METRNL: variants seen among roughly 807,000 people sequenced by gnomAD.
The protein encoded by METRNL is meteorin-like protein.
In METRNL, 9 loss-of-function variants were observed where a neutral mutation model predicts 17.4. The observed-to-expected ratio is 0.52, with a 90% CI of 0.31 to 0.90. The LOEUF is 0.90. Among genes scored for constraint, METRNL ranks in the 40% least tolerant of loss-of-function variants. METRNL has a pLI of 0.05. For missense variants in METRNL, 408 were observed against 430.7 expected, an observed-to-expected ratio of 0.95 and a Z score of 0.47; for synonymous variants, 215 against 199.3, an observed-to-expected ratio of 1.08 and a Z score of -0.66.
Position 83,085,196 on chromosome 17 carries a change from T to C in METRNL, c.429T>C (p.Cys143=). ...DGDGRPGRVQ[C]FGLEQGGLFV... ...ACGGCAGGCCCGGCCGGGTGCAGTG[T>C]TTTGGCCTGGAGCAGGGCGGCCTGT... Residue 143 remains cysteine, a synonymous_variant, in exon 2 of 4, where the codon TGT becomes TGC. Coordinates refer to ENST00000320095, the MANE Select transcript of METRNL (RefSeq NM_001004431.3). 1 of 1,610,234 alleles carries C rather than the reference T, an allele frequency of 6.2e-7. No individual in the cohort carries two copies. Among genetic ancestry groups the C allele is most frequent in the Non-Finnish European group, 8.5e-7 (1 of 1,178,100 alleles).
intron 1 of METRNL, chr17:83,080,237 C>T (rs960918505): frequency 6.5e-6 from 1 of 153,658 alleles, no homozygotes; most frequent in African/African-American, 2.4e-5. Flanking sequence ...CGGGTGGGTC[C>T]CGGCTCCGCG....
intron 1 of METRNL, among the ~76,000 whole-genome samples, chr17:83,081,628 T>C (rs2037989829): frequency 6.6e-6 from 1 of 152,020 alleles, no homozygotes; most frequent in African/African-American, 2.4e-5. Context: ...TCGCCATCGT[T>C]GCCAGTCCTG....
In METRNL at chr17:83,094,509, C is replaced by T. The variant is rs375543552; in HGVS notation, c.870C>T (p.Asp290=). Residue 290 remains aspartate (D), a synonymous_variant, in exon 4 of 4, where the codon GAC becomes GAT. Coordinates refer to ENST00000320095, the MANE Select transcript of METRNL (RefSeq NM_001004431.3). ...TCGGCTGTGCCCCACGCTTCAAGGA[C>T]TTCCAGAGGATGTACAGGGATGCCC... ...ARLGCAPRFK[D]FQRMYRDAQE... 258 of 1,557,152 alleles carry T rather than the reference C, an allele frequency of 1.7e-4. No homozygotes were observed. The South Asian group carries it at 2.1e-3, about 12-fold the overall frequency.
At chr17:83,082,955 A>G (rs1188172170) in intron 1 of METRNL, among the ~76,000 whole-genome samples, 1 of 152,156 alleles carries the variant, frequency 6.6e-6, no homozygotes, top group Non-Finnish European at 1.5e-5. Context: ...GTGAGAGGAG[A>G]GGGGAGCAGG....
intron 2 of METRNL, among the ~76,000 whole-genome samples, chr17:83,089,346 G>A (rs929552979): frequency 6.6e-6 from 1 of 152,136 alleles, no homozygotes; most frequent in Non-Finnish European, 1.5e-5. Flanking sequence ...CCCAGTAATC[G>A]TGGCCACAGA....
intron 2 of METRNL, among the ~76,000 whole-genome samples, chr17:83,089,670 G>T (rs2038094073): frequency 6.6e-6 from 1 of 152,134 alleles, no homozygotes; most frequent in African/African-American, 2.4e-5. Context: ...GAGACGAGGT[G>T]CAATGTGTCC....
Position 83,090,860 on chromosome 17 carries a change from G to A in METRNL, c.557-2307G>A, listed in dbSNP as rs546552238. ...TGCTCCCTCCTTGTTGCTTCCGGAC[G>A]TGAGTGGTGGTCTGTGCTGCTGGCC... On this transcript the variant is annotated intron_variant, in intron 2 of 3. Coordinates refer to ENST00000320095, the MANE Select transcript of METRNL (RefSeq NM_001004431.3). Among the ~76,000 whole-genome samples, 49 of 152,202 alleles carry A rather than the reference G, an allele frequency of 3.2e-4. No homozygotes were observed. In the Middle Eastern group the frequency reaches 0.01, roughly 32 times the overall value.
chr17:83,094,222 C>A, intron 3 of METRNL, 34 bp from the exon 4 acceptor site: 1 of 1,517,068 alleles, frequency 6.6e-7, no homozygotes, highest in Admixed American at 1.9e-5. Flanking sequence ...CTTGCCTTTG[C>A]TCACTCCCTG....
intron 1 of METRNL, chr17:83,084,727 A>G (rs1202902187): frequency 5.5e-6 from 3 of 541,480 alleles, no homozygotes; most frequent in Non-Finnish European, 9.6e-6. Flanking sequence ...GTGCACTGGA[A>G]GGAACTGGGT....
intron 1 of METRNL, chr17:83,082,062 C>A (rs2037996119): frequency 1.0e-6 from 1 of 985,374 alleles, no homozygotes; most frequent in Non-Finnish European, 1.2e-6. Flanking sequence ...CTGGGTGTTT[C>A]TTCTAAGCAG....
intron 1 of METRNL, among the ~76,000 whole-genome samples, chr17:83,082,848 C>T (rs954537206): frequency 2.0e-5 from 3 of 152,166 alleles, no homozygotes; most frequent in Admixed American, 6.5e-5. Flanking sequence ...TTTGTCTACA[C>T]GGGTCTTGCG....
At chr17:83,088,948 T>G (rs2038083867) in intron 2 of METRNL, among the ~76,000 whole-genome samples, 1 of 152,170 alleles carries the variant, frequency 6.6e-6, no homozygotes, top group African/African-American at 2.4e-5. Context: ...TCCTGCTTGG[T>G]GCCTTCTCTC....
At chr17:83,085,750 G>A (rs916472231) in intron 2 of METRNL, among the ~76,000 whole-genome samples, 7 of 152,212 alleles carry the variant, frequency 4.6e-5, no homozygotes, top group Admixed American at 2.0e-4. Flanking sequence ...GTGCTGGGTC[G>A]GACGCGCCCC....
At chr17:83,093,796 C>T (rs2143659662) in intron 3 of METRNL, among the ~76,000 whole-genome samples, 1 of 152,308 alleles carries the variant, frequency 6.6e-6, no homozygotes, top group African/African-American at 2.4e-5. Context: ...CCCGGCTCTG[C>T]ACCCCACCTC....
chr17:83,084,700 C>CGTGGCTCTG, intron 1 of METRNL: 9 of 563,378 alleles, frequency 1.6e-5, no homozygotes, highest in East Asian at 3.0e-5. Context: ...CCCGCCCCAC[C>CGTGGCTCTG]ATGGCTCTTG....
At chr17:83,083,159 C>T (rs1161745388) in intron 1 of METRNL, among the ~76,000 whole-genome samples, 22 of 152,236 alleles carry the variant, frequency 1.4e-4, no homozygotes, top group Non-Finnish European at 2.4e-4. Flanking sequence ...AGGACGGCCC[C>T]CAGGCTCAAG....
chr17:83,081,852 C>T (rs2037993225), intron 1 of METRNL, among the ~76,000 whole-genome samples: 1 of 152,318 alleles, frequency 6.6e-6, no homozygotes, highest in Middle Eastern at 3.4e-3. Context: ...ACACACGTCA[C>T]GAATCAGTGA....
chr17:83,087,732 C>T (rs2038068713), intron 2 of METRNL, among the ~76,000 whole-genome samples: 1 of 152,172 alleles, frequency 6.6e-6, no homozygotes, highest in Non-Finnish European at 1.5e-5. Flanking sequence ...CTTGCTGTAG[C>T]TGCGAGAGCC....
At chr17:83,084,630 T>G in intron 1 of METRNL, 2 of 439,362 alleles carry the variant, frequency 4.6e-6, no homozygotes, top group South Asian at 4.0e-5. Context: ...GACTCTTGAG[T>G]GTTGGAGGGT....
Sources: allele counts gnomAD v4.1 joint callset (sites outside exome capture counted in the v4.1 genomes callset), GRCh38; gene constraint gnomAD v4.1.1; transcripts MANE v1.5; gene names NCBI Gene and HGNC (gene_info 2026-07-23, HGNC 2026-07-21).